The following PKHD1 variants were observed in gnomAD, a reference collection of about 807,000 sequenced individuals.
PKHD1 encodes the protein PKHD1 ciliary IPT domain containing fibrocystin/polyductin.
In PKHD1, 291 loss-of-function variants were observed where a neutral mutation model predicts 412.0. The observed-to-expected ratio is 0.71, with a 90% CI of 0.64 to 0.78. The LOEUF is 0.78. Ranked by LOEUF, PKHD1 falls within the 30% of genes least tolerant of loss-of-function variation. PKHD1 has a pLI of 0.00. For missense variants in PKHD1, 4,825 were observed against 4,950.7 expected (o/e 0.97, Z 0.76); for synonymous variants, 1,777 against 1,821.5 (o/e 0.98, Z 0.62).
chr6:51,755,015 G>A, intron 55 of PKHD1, 77 bp from the exon 56 acceptor site: 1 of 1,238,582 alleles, frequency 8.1e-7, no homozygotes, highest in Non-Finnish European at 1.2e-6. Context: ...AGCAAGAAAA[G>A]GAAATCCACT....
intron 61 of PKHD1, among the ~76,000 whole-genome samples, chr6:51,650,795 G>C (rs1400466073): frequency 6.6e-6 from 1 of 152,064 alleles, no homozygotes; most frequent in Non-Finnish European, 1.5e-5. Context: ...CACTCCCTGG[G>C]AATTCAACTC....
At chr6:51,929,487 C>A (rs1481402884) in intron 37 of PKHD1, among the ~76,000 whole-genome samples, 1 of 142,774 alleles carries the variant, frequency 7.0e-6, no homozygotes, top group East Asian at 2.4e-4. Flanking sequence ...GTTTAGGGAA[C>A]CCCTAAATCC....
At chr6:51,643,268 TTTTC>T (rs1428715083) in intron 63 of PKHD1, among the ~76,000 whole-genome samples, 1 of 152,152 alleles carries the variant, frequency 6.6e-6, no homozygotes, top group African/African-American at 2.4e-5. Flanking sequence ...ATTCACTTCA[TTTTC>T]TTACTTTCTT....
rs201484725 is a variant in PKHD1 at position 51,656,046 on chromosome 6, T to C, written c.11174+2906A>G. 8.5e-5 allele frequency among the ~76,000 whole-genome samples: 13 copies of C among 152,282 alleles called. No homozygotes were observed. In the East Asian group the frequency reaches 2.5e-3, roughly 29 times the overall value. ...TACTATAAAGACACATGCACACATA[T>C]GTTTATTGCAGCACTATTCACAATA... On this transcript the variant is annotated intron_variant, in intron 61 of 66. Transcript: ENST00000371117.
chr6:52,082,481 G>A lies in PKHD1; in HGVS notation c.192C>T (p.Asn64=), dbSNP rs148089143. Residue 64 remains asparagine (N), a synonymous_variant, in exon 4 of 67, where the codon AAC becomes AAT. Transcript: ENST00000371117. ...GCAGTGCGGGCACCACCATGTTCAC[G>A]TTCACCAGGTGTATCTCCAATTGAG... The part of the protein sequence containing the change: ...NGSQLEIHLV[N]VNMVVPALRS... The A allele has an allele frequency of 2.1e-5, 34 of 1,613,812 alleles. No homozygotes were observed. Among genetic ancestry groups the A allele is most frequent in the Admixed American group, 3.3e-5 (2 of 59,996 alleles).
chr6:51,872,315 T>C (rs1198445461), intron 46 of PKHD1, among the ~76,000 whole-genome samples: 2 of 151,970 alleles, frequency 1.3e-5, no homozygotes, highest in Admixed American at 6.5e-5. Context: ...CATATTGAAA[T>C]TGCAAAACAC....
At chr6:51,899,587 T>C (rs1255080202) in intron 43 of PKHD1, among the ~76,000 whole-genome samples, 3 of 150,740 alleles carry the variant, frequency 2.0e-5, no homozygotes, top group Non-Finnish European at 3.0e-5. Context: ...ACTGGAAGCA[T>C]TCCCTTTGAA....
intron 60 of PKHD1, among the ~76,000 whole-genome samples, chr6:51,715,166 C>A (rs1042631374): frequency 7.9e-5 from 12 of 151,984 alleles, no homozygotes; most frequent in South Asian, 2.1e-4. Context: ...TAGGAATTGT[C>A]TCTCTTTTTT....
intron 61 of PKHD1, among the ~76,000 whole-genome samples, chr6:51,651,464 G>T (rs1006581414): frequency 6.6e-6 from 1 of 152,062 alleles, no homozygotes; most frequent in South Asian, 2.1e-4. Flanking sequence ...GGGGGTGAAA[G>T]GTCATCAAAT....
At chr6:51,976,397 G>A (rs528287419) in intron 35 of PKHD1, among the ~76,000 whole-genome samples, 1 of 152,260 alleles carries the variant, frequency 6.6e-6, no homozygotes, top group African/African-American at 2.4e-5. Context: ...AAACACAAAA[G>A]AACAGATATT....
At chr6:52,065,089 GTA>G in intron 12 of PKHD1, 39 bp from the exon 13 acceptor site, 1 of 867,642 alleles carries the variant, frequency 1.2e-6, no homozygotes. Flanking sequence ...GTGTGTGTGT[GTA>G]GGTATACATA....
Position 52,083,229 on chromosome 6 carries a change from G to T in PKHD1, c.79C>A (p.Pro27Thr), listed in dbSNP as rs1812296583. The T allele has an allele frequency of 6.2e-7, 1 of 1,610,902 alleles. No homozygotes were observed. The highest frequency in any genetic ancestry group is 8.5e-7 in the Non-Finnish European group (1 of 1,177,140). The part of the protein sequence containing the change: ...AVRHLSLHIE[P>T]EEGSLAGGTW... ...CCCCCTGCAAGGCTACCTTCTTCAGGTTCAATATGTAAACTCAGGTGACGT... is the reference window on the plus strand; with the variant it reads ...CCCCCTGCAAGGCTACCTTCTTCAGTTTCAATATGTAAACTCAGGTGACGT... The change falls in exon 3 of 67, where the codon CCT (proline) becomes ACT (threonine). Residue 27 changes from proline (P) to threonine (T), a missense_variant. Pro to Thr is a conservative substitution (Grantham distance 38). Transcript: ENST00000371117.
At chr6:51,700,666 G>T (rs1477943444) in intron 60 of PKHD1, among the ~76,000 whole-genome samples, 7 of 152,098 alleles carry the variant, frequency 4.6e-5, no homozygotes, top group Non-Finnish European at 8.8e-5. Flanking sequence ...CTTGTGATTC[G>T]CCAAGGAAGG....
intron 52 of PKHD1, among the ~76,000 whole-genome samples, chr6:51,821,750 T>C (rs1434503415): frequency 1.3e-5 from 2 of 152,236 alleles, no homozygotes; most frequent in Non-Finnish European, 1.5e-5. Context: ...AGTCTCGCTC[T>C]GTCACCCAGG....
chr6:51,915,709 A>G (rs1386690270), intron 37 of PKHD1, among the ~76,000 whole-genome samples: 1 of 151,944 alleles, frequency 6.6e-6, no homozygotes, highest in East Asian at 1.9e-4. Context: ...CAGTACTCTC[A>G]TGGCAGGTAC....
At chr6:51,977,002 A>G (rs1314138435) in intron 35 of PKHD1, among the ~76,000 whole-genome samples, 1 of 151,862 alleles carries the variant, frequency 6.6e-6, no homozygotes, top group Non-Finnish European at 1.5e-5. Flanking sequence ...GATAAAATCA[A>G]TATTCTTGGG....
At chr6:52,068,000 T>C (rs1448530482) in intron 11 of PKHD1, among the ~76,000 whole-genome samples, 1 of 151,570 alleles carries the variant, frequency 6.6e-6, no homozygotes, top group Non-Finnish European at 1.5e-5. Flanking sequence ...AAATGGAGAG[T>C]TGCTGTACAG....
At chr6:52,017,949 C>T (rs1800802944) in intron 33 of PKHD1, among the ~76,000 whole-genome samples, 1 of 152,136 alleles carries the variant, frequency 6.6e-6, no homozygotes, top group Non-Finnish European at 1.5e-5. Context: ...CAGAAATAAC[C>T]ACTTGGCATT....
chr6:51,690,973 T>G (rs945136307), intron 60 of PKHD1, among the ~76,000 whole-genome samples: 1 of 150,150 alleles, frequency 6.7e-6, no homozygotes, highest in Admixed American at 6.6e-5. Flanking sequence ...AGAAAAAAAA[T>G]CCCATTAAAA....
Sources: gnomAD v4.1 joint callset for allele counts (sites outside exome capture counted in the v4.1 genomes callset) on GRCh38, gnomAD v4.1.1 for gene constraint, MANE v1.5 for transcripts, NCBI Gene and HGNC (gene_info 2026-07-23, HGNC 2026-07-21) for gene names.